CCDC66: variants seen among roughly 807,000 people sequenced by gnomAD.
The protein encoded by CCDC66 is coiled-coil domain-containing protein 66.
In CCDC66, 133 loss-of-function variants were observed where a neutral mutation model predicts 128.3. The observed-to-expected ratio is 1.04, with a 90% CI of 0.90 to 1.20. CCDC66 has a LOEUF of 1.20. Among genes scored for constraint, CCDC66 ranks in the 50% most tolerant of loss-of-function variants. The pLI is 0.00. For missense variants in CCDC66, 1,126 were observed against 1,075.5 expected, an observed-to-expected ratio of 1.05 and a Z score of -0.66; for synonymous variants, 387 against 357.0, an observed-to-expected ratio of 1.08 and a Z score of -0.95.
intron 7 of CCDC66, among the ~76,000 whole-genome samples, chr3:56,585,118 GGGGAGAGGGAGAGGGA>G (rs1275589247): frequency 5.1e-4 from 60 of 118,328 alleles, no homozygotes; most frequent in Non-Finnish European, 8.8e-4. Context: ...GGAGGGGGAG[GGGGAGAGGGAGAGGGA>G]GGGAGAGGGA....
chr3:56,576,570 C>T (rs1378191425), intron 7 of CCDC66, among the ~76,000 whole-genome samples: 2 of 131,264 alleles, frequency 1.5e-5, no homozygotes, highest in African/African-American at 2.8e-5. Context: ...CCCCACCCCA[C>T]GACAAGCCCC....
Position 56,615,229 on chromosome 3 carries a change from G to A in CCDC66, c.1668G>A (p.Ala556=), listed in dbSNP as rs145123713. The part of the protein sequence containing the change: ...LKQEQRIREL[A]QKGHDTSRLI... ...AAGAACAAAGAATCCGAGAATTGGC[G>A]CAAAAGGGACATGACACTTCTAGAC... Residue 556 remains alanine (A), a synonymous_variant, in exon 12 of 18, where the codon GCG becomes GCA. Coordinates refer to ENST00000394672, the MANE Select transcript of CCDC66 (RefSeq NM_001141947.3). 78 of 1,613,994 alleles carry A rather than the reference G, an allele frequency of 4.8e-5. 1 individual carries two copies. Among genetic ancestry groups the A allele is most frequent in the Non-Finnish European group, 5.8e-5 (69 of 1,179,948 alleles).
At chr3:56,577,099 T>A (rs895254857) in intron 7 of CCDC66, among the ~76,000 whole-genome samples, 3 of 151,924 alleles carry the variant, frequency 2.0e-5, no homozygotes, top group African/African-American at 7.2e-5. Flanking sequence ...CCTGATTTTT[T>A]AATGATCACT....
chr3:56,581,285 T>G (rs564698742), intron 7 of CCDC66, among the ~76,000 whole-genome samples: 2 of 151,902 alleles, frequency 1.3e-5, no homozygotes, highest in South Asian at 4.2e-4. Context: ...CTCTACACTG[T>G]TTATTCTAGT....
rs111591039 is a variant in CCDC66 at position 56,584,974 on chromosome 3, C to T, written c.937-7996C>T. Among the ~76,000 whole-genome samples, 862 of 151,918 alleles carry T rather than the reference C, an allele frequency of 5.7e-3. 14 individuals are homozygous for T. The highest frequency in any genetic ancestry group is 0.019 in the African/African-American group (808 of 41,510). ...AGGCGTGGCGGCACACGCCTGCAGT[C>T]GCAGGCACTCGGCAGGCTGAGGCGG... On this transcript the variant is annotated intron_variant, in intron 7 of 17. Transcript: ENST00000394672.
chr3:56,616,210 GT>G, intron 13 of CCDC66, 157 bp downstream of exon 13: 1 of 582,064 alleles, frequency 1.7e-6, no homozygotes, highest in Non-Finnish European at 2.9e-6. Context: ...GTTGAAACAT[GT>G]CATGTACCAC....
At chr3:56,560,025 T>C (rs1215425534) in intron 3 of CCDC66, among the ~76,000 whole-genome samples, 2 of 152,200 alleles carry the variant, frequency 1.3e-5, no homozygotes, top group African/African-American at 2.4e-5. Context: ...AAAATAGATA[T>C]TCAGACTTTA....
At chr3:56,616,305 C>CTGT in intron 13 of CCDC66, 1 of 354,804 alleles carries the variant, frequency 2.8e-6, no homozygotes, top group South Asian at 2.6e-5. Flanking sequence ...TTTGATCACT[C>CTGT]TAGAAACACT....
intron 17 of CCDC66, chr3:56,620,689 C>A (rs2076350098): frequency 6.6e-6 from 1 of 152,140 alleles, no homozygotes; most frequent in Admixed American, 6.5e-5. Flanking sequence ...TAAGTTATTT[C>A]TTTAGAGTGA....
rs1216565147 is a variant in CCDC66, at chr3:56,559,580, A to G, written c.88A>G (p.Lys30Glu). The G allele has an allele frequency of 6.5e-7, 1 of 1,538,284 alleles. No individual in the cohort carries two copies. The highest frequency in any genetic ancestry group is 8.8e-7 in the Non-Finnish European group (1 of 1,140,892). Residue 30 changes from lysine (K) to glutamate (E), a missense_variant, in exon 3 of 18, where the codon AAA becomes GAA. Transcript: ENST00000394672. Reference sequence around the variant, plus strand: ...TTTTTCTTTTGTAGAACATAAATCAAAAATTTCTGTGAAGGTAAGCCGTAT... The same window carrying G: ...TTTTTCTTTTGTAGAACATAAATCAGAAATTTCTGTGAAGGTAAGCCGTAT... ...LILSPYEHKS[K>E]ISVKMGNKAK...
chr3:56,585,029 C>A (rs369273272), intron 7 of CCDC66, among the ~76,000 whole-genome samples: 1 of 148,186 alleles, frequency 6.7e-6, no homozygotes, highest in Non-Finnish European at 1.5e-5. Context: ...TGCAGTGAGC[C>A]GAGATGGCAG....
Position 56,619,899 on chromosome 3 carries a change from C to A in CCDC66, c.2758C>A (p.Gln920Lys), listed in dbSNP as rs1452177190. ...AILKGLSELRQGLLQKQKELE... is the reference protein window; with the variant it reads ...AILKGLSELRKGLLQKQKELE... ...CCTTAAGGGACTTTCAGAACTGAGA[C>A]AGGTATGAGCTTTTTCAAGTGTAGA... Residue 920 changes from glutamine (Q) to lysine (K), a missense_variant and splice_region_variant, in exon 17 of 18, where the codon CAG (glutamine) becomes AAG (lysine). Coordinates refer to ENST00000394672, the MANE Select transcript of CCDC66 (RefSeq NM_001141947.3). The A allele has an allele frequency of 1.2e-6, 2 of 1,613,530 alleles. No homozygotes were observed. Among genetic ancestry groups the A allele is most frequent in the Non-Finnish European group, 1.7e-6 (2 of 1,179,718 alleles).
At chr3:56,590,950 C>G (rs963833808) in intron 7 of CCDC66, among the ~76,000 whole-genome samples, 1 of 152,170 alleles carries the variant, frequency 6.6e-6, no homozygotes, top group Non-Finnish European at 1.5e-5. Flanking sequence ...ACAATTGTTA[C>G]AGTGTGTCTT....
intron 7 of CCDC66, among the ~76,000 whole-genome samples, chr3:56,579,350 A>G (rs1025326470): frequency 2.0e-5 from 3 of 151,786 alleles, no homozygotes; most frequent in African/African-American, 7.2e-5. Flanking sequence ...GATCTTTTCA[A>G]AAAACCAGCT....
intron 10 of CCDC66, 47 bp downstream of exon 10, chr3:56,594,075 A>C: frequency 2.0e-6 from 3 of 1,492,816 alleles, no homozygotes; most frequent in Non-Finnish European, 2.8e-6. Context: ...AGTAACAGTC[A>C]TGGTGAACAT....
In CCDC66 at chr3:56,619,381, GAA is replaced by G; in HGVS notation, c.2490_2491del (p.Ser831Ter). ...TATGAGAGAGAGAATTTGATCTCAG[GAA>G]GTAATCAAACAGAATTATCATCTGG... On this transcript the variant is annotated frameshift_variant, in exon 16 of 18. Coordinates refer to ENST00000394672, the MANE Select transcript of CCDC66 (RefSeq NM_001141947.3). LOFTEE classifies it high-confidence loss of function. The G allele has an allele frequency of 6.2e-7, 1 of 1,613,780 alleles. No individual in the cohort carries two copies. The highest frequency in any genetic ancestry group is 1.1e-5 in the South Asian group (1 of 91,042).
chr3:56,588,550 T>A (rs1230936501), intron 7 of CCDC66, among the ~76,000 whole-genome samples: 1 of 152,124 alleles, frequency 6.6e-6, no homozygotes, highest in Non-Finnish European at 1.5e-5. Context: ...AATAAAAAGA[T>A]CTCATGAGAA....
intron 10 of CCDC66, among the ~76,000 whole-genome samples, chr3:56,597,878 G>T (rs1273210748): frequency 6.9e-6 from 1 of 145,128 alleles, no homozygotes; most frequent in African/African-American, 2.6e-5. Context: ...AGGTTCAAGC[G>T]ATTCTCCTGC....
At position 56,613,894 on chromosome 3, in the gene CCDC66, C is replaced by T. The variant is rs542328573; in HGVS notation, c.1566+144C>T. The T allele has an allele frequency of 1.6e-4, 105 of 647,902 alleles. No homozygotes were observed. In the East Asian group the frequency reaches 2.5e-3, roughly 16 times the overall value. 40.1% of individuals were successfully genotyped at this position (647,902 alleles called of 1,614,324 possible). A position where few individuals can be genotyped will look rare whatever the true frequency, so the allele number is the denominator to read the frequency against. On this transcript the variant is annotated intron_variant, in intron 11 of 17. Transcript: ENST00000394672. Reference sequence around the variant, plus strand: ...CTCTGGGCACAAGTTGTCCTTCCACCTTGGTCTCCTCAGTAGCAGGGACTA... The same window carrying T: ...CTCTGGGCACAAGTTGTCCTTCCACTTTGGTCTCCTCAGTAGCAGGGACTA...
Sources: allele counts gnomAD v4.1 joint callset (sites outside exome capture counted in the v4.1 genomes callset), GRCh38; gene constraint gnomAD v4.1.1; transcripts MANE v1.5; gene names NCBI Gene and HGNC (gene_info 2026-07-23, HGNC 2026-07-21).